Variants in CMTM4 observed in about 807,000 individuals in gnomAD.
CMTM4 encodes the protein CKLF-like MARVEL transmembrane domain-containing protein 4.
In CMTM4, 8 loss-of-function variants were observed where a neutral mutation model predicts 19.0. The ratio of observed to expected loss-of-function variants is 0.42; its 90% CI spans 0.25 to 0.76. The LOEUF is 0.76. CMTM4 is among the 30% of genes least tolerant of loss of function. The pLI is 0.27. For missense variants in CMTM4, 228 were observed against 290.2 expected (o/e 0.79, Z 1.56); for synonymous variants, 106 against 121.1 (o/e 0.88, Z 0.82).
chr16:66,677,964 C>T (rs990851747), intron 1 of CMTM4, among the ~76,000 whole-genome samples: 1 of 152,196 alleles, frequency 6.6e-6, no homozygotes, highest in African/African-American at 2.4e-5. Context: ...TCCCAAAGTG[C>T]TGGAAGTACA....
chr16:66,626,936 C>CA (rs1261665801), intron 2 of CMTM4, among the ~76,000 whole-genome samples: 10 of 151,800 alleles, frequency 6.6e-5, no homozygotes, highest in South Asian at 2.1e-4. Flanking sequence ...CCTGTCTCTA[C>CA]AAAAAAATTC....
intron 1 of CMTM4, among the ~76,000 whole-genome samples, chr16:66,683,196 T>TAC (rs1487692255): frequency 2.1e-5 from 2 of 95,672 alleles, no homozygotes; most frequent in South Asian, 8.1e-4. Flanking sequence ...TATATATACA[T>TAC]ATATATATAT....
intron 2 of CMTM4, among the ~76,000 whole-genome samples, chr16:66,635,046 T>A (rs1171669248): frequency 6.6e-6 from 1 of 152,214 alleles, no homozygotes. Context: ...AGGATAGCAA[T>A]GAACAAGATG....
At chr16:66,627,898 T>C (rs1257633328) in intron 2 of CMTM4, among the ~76,000 whole-genome samples, 1 of 152,242 alleles carries the variant, frequency 6.6e-6, no homozygotes, top group Admixed American at 6.5e-5. Flanking sequence ...CTGAGTTCTC[T>C]GTTTTTATTG....
chr16:66,668,201 G>A (rs1370002183), intron 1 of CMTM4, among the ~76,000 whole-genome samples: 3 of 150,580 alleles, frequency 2.0e-5, no homozygotes, highest in Non-Finnish European at 4.4e-5. Context: ...TAAAGACAGA[G>A]TTTCGCTATG....
At chr16:66,688,549 CACAT>C (rs776356834) in intron 1 of CMTM4, among the ~76,000 whole-genome samples, 1 of 150,722 alleles carries the variant, frequency 6.6e-6, no homozygotes, top group African/African-American at 2.4e-5. Context: ...CACACACACA[CACAT>C]TCTACCCTAA....
rs752909314 is a variant in CMTM4, at chr16:66,694,712, C to CAAAAAAAA, written c.186+1620_186+1627dup. Among the ~76,000 whole-genome samples, 2 of 44,350 alleles carry CAAAAAAAA rather than the reference C, an allele frequency of 4.5e-5. 1 individual carries two copies. Among genetic ancestry groups the CAAAAAAAA allele is most frequent in the Non-Finnish European group, 9.0e-5 (2 of 22,152 alleles). 29.1% of individuals were successfully genotyped at this position (44,350 alleles called of 152,430 possible). On this transcript the variant is annotated intron_variant, in intron 1 of 3. Transcript: ENST00000394106. ...TGGGCGACAGAGCTAGACTCCATCT[C>CAAAAAAAA]AAAAAAAAAAAAAAAAAAAAAAGGC...
intron 1 of CMTM4, among the ~76,000 whole-genome samples, chr16:66,684,046 T>C (rs2016990446): frequency 6.6e-6 from 1 of 152,174 alleles, no homozygotes; most frequent in Non-Finnish European, 1.5e-5. Context: ...AAGTAATCGG[T>C]ATTATAAAAT....
the CMTM4 span, chr16:66,609,503 C>T: frequency 1.1e-5 from 18 of 1,608,100 alleles, no homozygotes; most frequent in Non-Finnish European, 1.4e-5. The surrounding 1 kb of genome is among the most constrained non-coding windows in gnomAD (Gnocchi z 4.4). Flanking sequence ...TCGCCAAGTA[C>T]TCGGATGGGG....
chr16:66,626,621 T>C (rs2015744925), intron 2 of CMTM4, among the ~76,000 whole-genome samples: 1 of 148,826 alleles, frequency 6.7e-6, no homozygotes, highest in Admixed American at 6.6e-5. Context: ...AAAAACAAAG[T>C]TAGCTGGGCA....
chr16:66,604,254 G>A, the CMTM4 span: 1 of 152,316 alleles, frequency 6.6e-6, no homozygotes, highest in Non-Finnish European at 1.5e-5. Flanking sequence ...CCAACAAAGA[G>A]GCCCTGGAGG....
At chr16:66,634,680 T>C (rs768098532) in intron 2 of CMTM4, among the ~76,000 whole-genome samples, 15 of 151,990 alleles carry the variant, frequency 9.9e-5, no homozygotes, top group Non-Finnish European at 1.9e-4. Flanking sequence ...GAGATGAACA[T>C]TGCTGCACTG....
At chr16:66,651,599 T>C (rs1263952865) in intron 1 of CMTM4, among the ~76,000 whole-genome samples, 1 of 152,124 alleles carries the variant, frequency 6.6e-6, no homozygotes, top group South Asian at 2.1e-4. Flanking sequence ...ATATGACTTA[T>C]CCAGAGTCTT....
At chr16:66,635,518 G>A (rs1341067673) in intron 2 of CMTM4, among the ~76,000 whole-genome samples, 5 of 152,196 alleles carry the variant, frequency 3.3e-5, no homozygotes, top group African/African-American at 7.2e-5. Context: ...CATGGGCCCA[G>A]CAGCAGCCAA....
chr16:66,670,846 T>C (rs2016691962), intron 1 of CMTM4, among the ~76,000 whole-genome samples: 1 of 152,068 alleles, frequency 6.6e-6, no homozygotes, highest in Non-Finnish European at 1.5e-5. Flanking sequence ...AAAACCACTC[T>C]GCATCATACC....
At chr16:66,690,056 T>G (rs1189496562) in intron 1 of CMTM4, among the ~76,000 whole-genome samples, 1 of 152,090 alleles carries the variant, frequency 6.6e-6, no homozygotes, top group Non-Finnish European at 1.5e-5. Flanking sequence ...CTGCCAGAAT[T>G]TATTTGACTC....
At chr16:66,611,047 G>A (rs551792556), downstream of CMTM4, 8 of 396,966 alleles carry the variant, frequency 2.0e-5, no homozygotes, top group South Asian at 1.4e-4. Context: ...ATTAGTAAAC[G>A]TCAGTGGAAA....
chr16:66,631,900 C>T (rs1451499511), intron 2 of CMTM4, among the ~76,000 whole-genome samples: 1 of 152,096 alleles, frequency 6.6e-6, no homozygotes, highest in Non-Finnish European at 1.5e-5. Flanking sequence ...AAATCCCCCT[C>T]TGCGAGAAAC....
intron 1 of CMTM4, among the ~76,000 whole-genome samples, chr16:66,663,031 T>C (rs1175485834): frequency 2.6e-5 from 4 of 152,114 alleles, no homozygotes; most frequent in African/African-American, 9.7e-5. Context: ...AAGATTCAAA[T>C]AGCATCACAA....
Sources: allele counts gnomAD v4.1 joint callset (sites outside exome capture counted in the v4.1 genomes callset), GRCh38; gene constraint gnomAD v4.1.1; non-coding constraint Gnocchi (gnomAD v3.1); transcripts MANE v1.5; gene names NCBI Gene and HGNC (gene_info 2026-07-23, HGNC 2026-07-21).